The following CNTNAP2 variants were observed in gnomAD, a reference collection of about 807,000 sequenced individuals.
The protein encoded by CNTNAP2 is contactin-associated protein-like 2.
Under a neutral mutation model 155.2 loss-of-function variants are expected in CNTNAP2, and 98 were observed. The observed-to-expected ratio is 0.63, with a 90% CI of 0.54 to 0.75. The LOEUF (loss-of-function observed/expected upper bound fraction) is 0.75, where lower values mean the gene tolerates loss of function less well. CNTNAP2 is among the 30% of genes least tolerant of loss of function. CNTNAP2 has a pLI of 0.00. For missense variants in CNTNAP2, 1,727 were observed against 1,688.1 expected (o/e 1.02, Z -0.40); for synonymous variants, 651 against 631.2 (o/e 1.03, Z -0.47).
intron 12 of CNTNAP2, among the ~76,000 whole-genome samples, chr7:147,588,694 G>C (rs1388351244): frequency 6.6e-6 from 1 of 152,114 alleles, no homozygotes; most frequent in Non-Finnish European, 1.5e-5. Context: ...CAGCTGGCCA[G>C]CCTGATGCCA....
At chr7:147,398,958 G>C (rs1246467005) in intron 10 of CNTNAP2, among the ~76,000 whole-genome samples, 5 of 151,902 alleles carry the variant, frequency 3.3e-5, no homozygotes, top group African/African-American at 1.2e-4. Context: ...AGTAGATCAA[G>C]GTGTTGAGTT....
At chr7:147,037,856 A>G (rs368905289) in intron 3 of CNTNAP2, among the ~76,000 whole-genome samples, 1 of 152,174 alleles carries the variant, frequency 6.6e-6, no homozygotes, top group African/African-American at 2.4e-5. Flanking sequence ...CTTATCAAAT[A>G]CTGATATTTA....
Position 148,283,480 on chromosome 7 carries a change from T to C in CNTNAP2, c.3475+16354T>C, listed in dbSNP as rs189611967. On this transcript the variant is annotated intron_variant, in intron 21 of 23. Transcript: ENST00000361727. ...TAAAATTTATTTAGAACCTCAAAAGTAGTATTCTTGGTGCTTTTGTGGTTA... is the reference window on the plus strand; with the variant it reads ...TAAAATTTATTTAGAACCTCAAAAGCAGTATTCTTGGTGCTTTTGTGGTTA... 4.1e-3 allele frequency among the ~76,000 whole-genome samples: 628 copies of C among 152,276 alleles called. 5 individuals carry two copies. Among genetic ancestry groups the C allele is most frequent in the African/African-American group, 0.014 (591 of 41,562 alleles).
chr7:146,998,207 A>G (rs922686883), intron 3 of CNTNAP2, among the ~76,000 whole-genome samples: 1 of 151,934 alleles, frequency 6.6e-6, no homozygotes, highest in African/African-American at 2.4e-5. Context: ...CTTTTGCTAT[A>G]TCCCGCAGAA....
At chr7:148,073,985 T>C (rs1012858799) in intron 15 of CNTNAP2, among the ~76,000 whole-genome samples, 2 of 152,272 alleles carry the variant, frequency 1.3e-5, no homozygotes, top group Admixed American at 6.5e-5. Flanking sequence ...CAATCCCCCA[T>C]AGATAGCGAG....
intron 1 of CNTNAP2, among the ~76,000 whole-genome samples, chr7:146,659,278 T>G (rs1647447468): frequency 6.6e-6 from 1 of 152,144 alleles, no homozygotes; most frequent in Non-Finnish European, 1.5e-5. Context: ...TATATAGAGA[T>G]AACCAATTTA....
intron 8 of CNTNAP2, among the ~76,000 whole-genome samples, chr7:147,184,236 G>T (rs1802521336): frequency 6.6e-6 from 1 of 152,132 alleles, no homozygotes. Context: ...TGAAATAGGA[G>T]CTGGGGAGAA....
chr7:146,316,883 G>A lies in CNTNAP2; in HGVS notation c.97+199910G>A, dbSNP rs555957319. Among the ~76,000 whole-genome samples, 73 of 152,096 alleles carry A rather than the reference G, an allele frequency of 4.8e-4. No homozygotes were observed. The South Asian group carries it at 9.3e-3, about 19-fold the overall frequency. On this transcript the variant is annotated intron_variant, in intron 1 of 23. Coordinates refer to ENST00000361727, the MANE Select transcript of CNTNAP2 (RefSeq NM_014141.6). ...TGCTGCTCTTCTCACCCACCTACGG[G>A]AGGTCGTCAGAGGAGGGACACTGAA...
At chr7:147,246,261 T>C (rs748854539) in intron 8 of CNTNAP2, among the ~76,000 whole-genome samples, 17 of 152,072 alleles carry the variant, frequency 1.1e-4, no homozygotes, top group Admixed American at 2.6e-4. Flanking sequence ...GCTTGTCTGC[T>C]CACTAAATAT....
At chr7:147,668,309 G>A (rs984309170) in intron 13 of CNTNAP2, among the ~76,000 whole-genome samples, 1 of 152,200 alleles carries the variant, frequency 6.6e-6, no homozygotes, top group Non-Finnish European at 1.5e-5. Flanking sequence ...ATAGTGCATT[G>A]TCTACTGATA....
At chr7:148,335,160 A>G (rs1336995567) in intron 21 of CNTNAP2, among the ~76,000 whole-genome samples, 1 of 152,244 alleles carries the variant, frequency 6.6e-6, no homozygotes, top group African/African-American at 2.4e-5. Context: ...CCCATGGGAA[A>G]GTCCAAGAAG....
At chr7:147,656,815 G>T (rs1355937896) in intron 13 of CNTNAP2, among the ~76,000 whole-genome samples, 3 of 152,200 alleles carry the variant, frequency 2.0e-5, no homozygotes, top group Middle Eastern at 3.4e-3. Context: ...CTCGAAGCAG[G>T]GTTGCCACAA....
At chr7:146,804,258 C>A (rs577421057) in intron 2 of CNTNAP2, among the ~76,000 whole-genome samples, 3 of 152,014 alleles carry the variant, frequency 2.0e-5, no homozygotes, top group African/African-American at 7.2e-5. Flanking sequence ...CTGATATTAC[C>A]TTTAGATGCT....
chr7:146,219,875 A>ATT (rs1799178516), intron 1 of CNTNAP2, among the ~76,000 whole-genome samples: 1 of 152,182 alleles, frequency 6.6e-6, no homozygotes, highest in Non-Finnish European at 1.5e-5. Flanking sequence ...ATAAGAACAC[A>ATT]ACTCTAAAGA....
intron 8 of CNTNAP2, among the ~76,000 whole-genome samples, chr7:147,148,684 C>T (rs984542250): frequency 1.5e-4 from 23 of 152,210 alleles, no homozygotes; most frequent in Non-Finnish European, 3.1e-4. Context: ...GTCTCACTGA[C>T]TTCAGGAGTG....
chr7:147,726,647 TAAC>T (rs1014020875), intron 13 of CNTNAP2, among the ~76,000 whole-genome samples: 1 of 151,834 alleles, frequency 6.6e-6, no homozygotes, highest in African/African-American at 2.4e-5. Context: ...TATAAATCCT[TAAC>T]AAAACAGAGT....
chr7:147,134,495 C>A (rs989257354), intron 8 of CNTNAP2, among the ~76,000 whole-genome samples: 3 of 151,430 alleles, frequency 2.0e-5, no homozygotes, highest in East Asian at 1.9e-4. Context: ...CTGCTTCAAG[C>A]ATTTTATATA....
intron 10 of CNTNAP2, among the ~76,000 whole-genome samples, chr7:147,435,950 G>A (rs1374823037): frequency 2.0e-5 from 3 of 151,986 alleles, no homozygotes; most frequent in East Asian, 1.9e-4. Context: ...CAGTGGTTTT[G>A]TTTTTCATTT....
intron 12 of CNTNAP2, among the ~76,000 whole-genome samples, chr7:147,631,453 T>C (rs1181880784): frequency 6.6e-6 from 1 of 152,058 alleles, no homozygotes; most frequent in African/African-American, 2.4e-5. Context: ...GTACCATCAA[T>C]ATTCTTCACA....
Sources: allele counts gnomAD v4.1 joint callset (sites outside exome capture counted in the v4.1 genomes callset), GRCh38; gene constraint gnomAD v4.1.1; transcripts MANE v1.5; gene names NCBI Gene and HGNC (gene_info 2026-07-23, HGNC 2026-07-21).